BACE2: variants seen among roughly 807,000 people sequenced by gnomAD.
BACE2 encodes the protein beta-secretase 2, also known as 56 kDa aspartic-like protease.
BACE2 carries 17 observed loss-of-function variants against 46.2 expected under a neutral mutation model. That is an observed-to-expected ratio of 0.37 (90% CI 0.25 to 0.55). The LOEUF (loss-of-function observed/expected upper bound fraction) is 0.55. BACE2 is among the 20% of genes least tolerant of loss of function. BACE2 has a pLI of 0.82. For missense variants in BACE2, 595 were observed against 698.1 expected (o/e 0.85, Z 1.66); for synonymous variants, 277 against 295.9 (o/e 0.94, Z 0.66).
chr21:41,208,739 A>C (rs1479958019), intron 1 of BACE2, among the ~76,000 whole-genome samples: 2 of 151,970 alleles, frequency 1.3e-5, no homozygotes, highest in Admixed American at 1.3e-4. Flanking sequence ...CTGCCACCCC[A>C]CCCTGCCCTC....
intron 1 of BACE2, chr21:41,182,991 A>G (rs1985196523): frequency 6.0e-6 from 1 of 166,536 alleles, no homozygotes; most frequent in Admixed American, 6.5e-5. Flanking sequence ...ATTTTTTCTC[A>G]ATAAAGAATA....
Position 41,241,890 on chromosome 21 carries a change from G to A in BACE2, c.690G>A (p.Met230Ile), listed in dbSNP as rs1987302495. The A allele has an allele frequency of 1.9e-6, 3 of 1,614,040 alleles. No individual in the cohort carries two copies. The highest frequency in any genetic ancestry group is 2.5e-6 in the Non-Finnish European group (3 of 1,180,032). ...TQANIPNVFS[M>I]QMCGAGLPVA... is the part of the protein sequence containing the mutation. ...CAAACATCCCCAACGTTTTCTCCATGCAGATGTGTGGAGCCGGCTTGCCCG... is the reference window on the plus strand; with the variant it reads ...CAAACATCCCCAACGTTTTCTCCATACAGATGTGTGGAGCCGGCTTGCCCG... Residue 230 changes from methionine to isoleucine, a missense_variant, in exon 4 of 9, where the codon ATG becomes ATA. This residue lies in a region of BACE2 where 343 missense variants were observed against 419.4 expected (regional missense o/e 0.82). Transcript: ENST00000330333.
chr21:41,247,345 G>T (rs1312285848), intron 6 of BACE2, among the ~76,000 whole-genome samples: 1 of 152,222 alleles, frequency 6.6e-6, no homozygotes, highest in African/African-American at 2.4e-5. Context: ...AGCCACTGGC[G>T]CAGCTGCAGC....
intron 7 of BACE2, 80 bp from the exon 8 acceptor site, chr21:41,257,078 C>G (rs754078561): frequency 2.5e-5 from 39 of 1,546,004 alleles, no homozygotes; most frequent in Middle Eastern, 1.7e-4. Context: ...CCTGAGCATG[C>G]GTGTGACCTC....
In BACE2 at chr21:41,193,518, G is replaced by A. The variant is rs561413419; in HGVS notation, c.312+24943G>A. 1.4e-4 allele frequency among the ~76,000 whole-genome samples: 22 copies of A among 152,328 alleles called. No individual in the cohort carries two copies. The South Asian group carries it at 4.6e-3, about 32-fold the overall frequency. The stretch of plus-strand genomic sequence containing the variant: ...TGCATCCTTCAAGTCCTTGATGGTG[G>A]CACTAATCTCCACAATCCCTTCAGG... On this transcript the variant is annotated intron_variant, in intron 1 of 8. Coordinates refer to ENST00000330333, the MANE Select transcript of BACE2 (RefSeq NM_012105.5). This position sits in a 1 kb window ranked among gnomAD's most constrained non-coding sequence, Gnocchi z 4.2.
At chr21:41,240,958 T>C (rs1987270402) in intron 3 of BACE2, among the ~76,000 whole-genome samples, 1 of 152,180 alleles carries the variant, frequency 6.6e-6, no homozygotes, top group African/African-American at 2.4e-5. Flanking sequence ...ATAGCGTCTG[T>C]GCTACTATAG....
chr21:41,181,957 T>C, intron 1 of BACE2: 1 of 167,216 alleles, frequency 6.0e-6, no homozygotes. Context: ...CTTAGGTTAA[T>C]TAGAAGAGCA....
Position 41,276,947 on chromosome 21 carries a change from C to T in BACE2, c.*1323C>T, listed in dbSNP as rs939298168. On this transcript the variant is annotated 3_prime_UTR_variant, in exon 9 of 9. Coordinates refer to ENST00000330333, the MANE Select transcript of BACE2 (RefSeq NM_012105.5). Reference sequence around the variant, plus strand: ...GCAGTCCCTACTTTCTGTCACTTATCGAGGCCTTTGCCAAAGAAAAGTGGA... The same window carrying T: ...GCAGTCCCTACTTTCTGTCACTTATTGAGGCCTTTGCCAAAGAAAAGTGGA... 2 of 152,208 alleles carry T rather than the reference C, an allele frequency of 1.3e-5. No individual in the cohort carries two copies. The highest frequency in any genetic ancestry group is 2.1e-4 in the South Asian group (1 of 4,816). 9.4% of individuals were successfully genotyped at this position (152,208 alleles called of 1,614,324 possible).
intron 1 of BACE2, among the ~76,000 whole-genome samples, chr21:41,191,330 C>T (rs1168795453): frequency 6.6e-6 from 1 of 152,216 alleles, no homozygotes; most frequent in Non-Finnish European, 1.5e-5. Flanking sequence ...AATGAGCCCA[C>T]TGTCACACTT....
intron 1 of BACE2, chr21:41,177,559 T>A (rs1568855883): frequency 6.6e-6 from 1 of 152,246 alleles, no homozygotes; most frequent in Non-Finnish European, 1.5e-5. Context: ...CCCTCCTACC[T>A]CTCTGTCACC....
rs11559045 is a variant in BACE2 at position 41,280,904 on chromosome 21, C to T, written c.*5280C>T. On this transcript the variant is annotated 3_prime_UTR_variant, in exon 9 of 9. Coordinates refer to ENST00000330333, the MANE Select transcript of BACE2 (RefSeq NM_012105.5). ...ACACTTGTGTGCTTAAAAAGCACAC[C>T]GTGGGTAGTGACTGGGCCAAGAGAC... 0.12 allele frequency: 17,664 copies of T among 152,228 alleles called. 1,433 individuals carry two copies. Among genetic ancestry groups the T allele is most frequent in the African/African-American group, 0.23 (9,454 of 41,504 alleles). 9.4% of individuals were successfully genotyped at this position (152,228 alleles called of 1,614,324 possible).
At chr21:41,223,587 T>C (rs1986721241) in intron 1 of BACE2, among the ~76,000 whole-genome samples, 1 of 152,212 alleles carries the variant, frequency 6.6e-6, no homozygotes, top group African/African-American at 2.4e-5. Context: ...CCGTGCATTT[T>C]CGTCTCCCTG....
At chr21:41,178,329 T>C (rs369505589) in intron 1 of BACE2, 1 of 152,236 alleles carries the variant, frequency 6.6e-6, no homozygotes, top group East Asian at 1.9e-4. Context: ...TCTTGCCAGA[T>C]GCATTAAAGT....
chr21:41,240,649 C>T (rs1354383468), intron 3 of BACE2, among the ~76,000 whole-genome samples: 1 of 152,202 alleles, frequency 6.6e-6, no homozygotes, highest in African/African-American at 2.4e-5. Context: ...GCTGGGGGCA[C>T]CCCCAGGCCC....
chr21:41,174,885 C>T (rs892184226), intron 1 of BACE2, among the ~76,000 whole-genome samples: 17 of 152,140 alleles, frequency 1.1e-4, no homozygotes, highest in Non-Finnish European at 4.4e-5. Context: ...GTAACAGATA[C>T]TACCCGGACA....
At chr21:41,238,238 T>C (rs1166415323) in intron 3 of BACE2, among the ~76,000 whole-genome samples, 1 of 152,190 alleles carries the variant, frequency 6.6e-6, no homozygotes, top group Non-Finnish European at 1.5e-5. Flanking sequence ...AGGCATGCCC[T>C]GGGGAGAGCC....
rs1387857968 is a variant in BACE2 at position 41,168,568 on chromosome 21, C to T, written c.305C>T (p.Pro102Leu). Residue 102 changes from proline (P) to leucine (L), a missense_variant, in exon 1 of 9, where the codon CCG becomes CTG. By Grantham distance (98) the Pro-to-Leu change is moderately conservative. This residue lies in a region of BACE2 where 248 missense variants were observed against 261.4 expected (regional missense o/e 0.95). Transcript: ENST00000330333. ...YYLEMLIGTP[P>L]QKLQILVDTG... ...CTGGAGATGCTGATCGGGACCCCCCCGCAGAAGGTAGGGACCCCCGGCTGC... is the reference window on the plus strand; with the variant it reads ...CTGGAGATGCTGATCGGGACCCCCCTGCAGAAGGTAGGGACCCCCGGCTGC... 3 of 1,324,750 alleles carry T rather than the reference C, an allele frequency of 2.3e-6. No individual in the cohort carries two copies. The highest frequency in any genetic ancestry group is 3.1e-5 in the Admixed American group (1 of 32,330). The allele number at this position is 1,324,750 out of a possible 1,614,324, so 82.1% of individuals were successfully genotyped here.
intron 6 of BACE2, among the ~76,000 whole-genome samples, chr21:41,248,175 G>T (rs1987527327): frequency 6.6e-6 from 1 of 152,088 alleles, no homozygotes; most frequent in Non-Finnish European, 1.5e-5. Context: ...GCTTGGCTCA[G>T]GCCCAGCGCC....
intron 1 of BACE2, among the ~76,000 whole-genome samples, chr21:41,224,936 T>TA (rs1986765058): frequency 6.6e-6 from 1 of 152,072 alleles, no homozygotes; most frequent in Non-Finnish European, 1.5e-5. Context: ...TTTAAAACAG[T>TA]AAAAATGTAT....
Sources: allele counts gnomAD v4.1 joint callset (sites outside exome capture counted in the v4.1 genomes callset), GRCh38; gene constraint gnomAD v4.1.1; regional missense constraint gnomAD v4.1.1; non-coding constraint Gnocchi (gnomAD v3.1); transcripts MANE v1.5; gene names NCBI Gene and HGNC (gene_info 2026-07-23, HGNC 2026-07-21).